The following BLNK variants were observed in gnomAD, a reference collection of about 807,000 sequenced individuals.
BLNK encodes B-cell linker protein.
A neutral mutation model predicts 73.5 loss-of-function variants in BLNK; 29 were observed. The observed-to-expected ratio is 0.39, with a 90% CI of 0.29 to 0.54. The LOEUF is 0.54. Ranked by LOEUF, BLNK falls within the 20% of genes least tolerant of loss-of-function variation. BLNK has a pLI of 0.61. For missense variants in BLNK, 460 were observed against 562.8 expected, an observed-to-expected ratio of 0.82 and a Z score of 1.85; for synonymous variants, 176 against 200.8, an observed-to-expected ratio of 0.88 and a Z score of 1.04.
At chr10:96,254,467 CTGACTGT>C (rs1177985822) in intron 1 of BLNK, among the ~76,000 whole-genome samples, 1 of 152,092 alleles carries the variant, frequency 6.6e-6, no homozygotes, top group Non-Finnish European at 1.5e-5. Context: ...ACCCGAGGAG[CTGACTGT>C]GTACAGCTCA....
intron 3 of BLNK, among the ~76,000 whole-genome samples, chr10:96,240,019 A>C (rs1196220088): frequency 6.6e-6 from 1 of 152,208 alleles, no homozygotes; most frequent in Non-Finnish European, 1.5e-5. Flanking sequence ...CGAATCCTCA[A>C]ATTAAATGTC....
chr10:96,246,956 T>C (rs1554907756), intron 2 of BLNK, 28 bp downstream of exon 2: 2 of 1,475,798 alleles, frequency 1.4e-6, no homozygotes, highest in Admixed American at 1.7e-5. Context: ...TTTTATATAA[T>C]TAAGTATTTA....
chr10:96,209,926 T>G lies in BLNK; in HGVS notation c.677-19A>C. ...TTTCGACCTGCACAAACATATACAC[T>G]ACTCAGTCCCCAAGTCCTGAGCCGG... On this transcript the variant is annotated intron_variant, in intron 8 of 16. Transcript: ENST00000224337. The G allele has an allele frequency of 6.2e-7, 1 of 1,614,026 alleles. No individual in the cohort carries two copies. Among genetic ancestry groups the G allele is most frequent in the South Asian group, 1.1e-5 (1 of 91,084 alleles).
At chr10:96,215,520 A>G (rs1035051007) in intron 7 of BLNK, 131 bp from the exon 8 acceptor site, 1 of 728,920 alleles carries the variant, frequency 1.4e-6, no homozygotes, top group Non-Finnish European at 2.3e-6. Context: ...AAAGAATGGG[A>G]GACACCCTTA....
At position 96,237,906 on chromosome 10, in the gene BLNK, A is replaced by G. The variant is rs587724894; in HGVS notation, c.163+4829T>C. Among the ~76,000 whole-genome samples the G allele has an allele frequency of 2.2e-4, 33 of 152,322 alleles. 1 individual carries two copies. In the South Asian group the frequency reaches 6.6e-3, roughly 31 times the overall value. On this transcript the variant is annotated intron_variant, in intron 3 of 16. Coordinates refer to ENST00000224337, the MANE Select transcript of BLNK (RefSeq NM_013314.4). ...CTGCAAAACCGAGATCGTAATTTCT[A>G]TATAACGGTGCTAATGAGAAGATTA...
intron 1 of BLNK, among the ~76,000 whole-genome samples, chr10:96,254,510 G>T (rs3789932): frequency 0.18 from 24,854 of 138,874 alleles, 3,516 homozygotes; most frequent in East Asian, 0.55. Context: ...TTTTTTTTTT[G>T]TTTTGTTTTG....
At chr10:96,245,941 A>G (rs1169482117) in intron 2 of BLNK, among the ~76,000 whole-genome samples, 2 of 152,202 alleles carry the variant, frequency 1.3e-5, no homozygotes, top group African/African-American at 4.8e-5. Flanking sequence ...TTGACATCAT[A>G]CAATTCTGGC....
chr10:96,270,801 C>G (rs994500779), intron 1 of BLNK, among the ~76,000 whole-genome samples: 2 of 152,024 alleles, frequency 1.3e-5, no homozygotes, highest in African/African-American at 4.8e-5. Context: ...CTGGTTTATT[C>G]TTTTTGAGAG....
In BLNK at chr10:96,266,169, A is replaced by G. The variant is rs190422090; in HGVS notation, c.47+5183T>C. 6.6e-5 allele frequency among the ~76,000 whole-genome samples: 10 copies of G among 152,338 alleles called. No individual in the cohort carries two copies. The East Asian group carries it at 1.7e-3, about 26-fold the overall frequency. ...AGCTGATAAATTCTCCCAAGAACAG[A>G]TGGGGTTAAATCACCTGTAGGGAGA... On this transcript the variant is annotated intron_variant, in intron 1 of 16. Coordinates refer to ENST00000224337, the MANE Select transcript of BLNK (RefSeq NM_013314.4).
intron 8 of BLNK, among the ~76,000 whole-genome samples, chr10:96,211,069 G>C (rs2133986554): frequency 6.6e-6 from 1 of 151,876 alleles, no homozygotes; most frequent in Middle Eastern, 3.4e-3. Flanking sequence ...TTGCCATGTT[G>C]CCCAGGCTGG....
chr10:96,214,753 G>A (rs1418291149), intron 8 of BLNK, among the ~76,000 whole-genome samples: 1 of 152,148 alleles, frequency 6.6e-6, no homozygotes, highest in Non-Finnish European at 1.5e-5. Context: ...ATCGATGAAC[G>A]CTACAGAAGT....
At chr10:96,192,637 G>C (rs782702018) in intron 16 of BLNK, among the ~76,000 whole-genome samples, 3 of 151,984 alleles carry the variant, frequency 2.0e-5, no homozygotes, top group Admixed American at 6.6e-5. Context: ...AGTTAACTTA[G>C]TGCCTAATTA....
At chr10:96,247,782 C>A (rs1843111539) in intron 1 of BLNK, among the ~76,000 whole-genome samples, 1 of 152,150 alleles carries the variant, frequency 6.6e-6, no homozygotes, top group African/African-American at 2.4e-5. Context: ...TGTACCTTAA[C>A]TTCAGCGTCT....
intron 8 of BLNK, 39 bp from the exon 9 acceptor site, chr10:96,209,946 AGCCGGGGGCTGAT>A: frequency 2.5e-6 from 4 of 1,609,758 alleles, no homozygotes; most frequent in Non-Finnish European, 3.4e-6. Context: ...CCAAGTCCTG[AGCCGGGGGCTGAT>A]GCTCACACTG....
chr10:96,244,836 T>C (rs1314543647), intron 2 of BLNK, among the ~76,000 whole-genome samples: 1 of 152,088 alleles, frequency 6.6e-6, no homozygotes, highest in Non-Finnish European at 1.5e-5. Context: ...GGCTATGGAA[T>C]AGAGAGACAT....
rs1367899690 is a variant in BLNK at position 96,190,872 on chromosome 10, T to C, written c.*1101A>G. Among the ~76,000 whole-genome samples the C allele has an allele frequency of 6.6e-6, 1 of 152,242 alleles. No individual in the cohort carries two copies. The highest frequency in any genetic ancestry group is 2.4e-5 in the African/African-American group (1 of 41,468). On this transcript the variant is annotated 3_prime_UTR_variant, in exon 17 of 17. Coordinates refer to ENST00000224337, the MANE Select transcript of BLNK (RefSeq NM_013314.4). ...TTCACCAATGTCTGCTTTTCTGCTC[T>C]TGTTTTGTGGGATATTTCTCTAGGA...
intron 1 of BLNK, among the ~76,000 whole-genome samples, chr10:96,259,344 T>G (rs1843645342): frequency 1.3e-5 from 2 of 151,236 alleles, no homozygotes; most frequent in African/African-American, 2.4e-5. Flanking sequence ...AGAGGGAGAG[T>G]AAAAAGAGGA....
rs183937803 is a variant in BLNK, at chr10:96,197,871, G to A, written c.1096-808C>T. Among the ~76,000 whole-genome samples, 476 of 149,464 alleles carry A rather than the reference G, an allele frequency of 3.2e-3. 2 individuals are homozygous for A. The highest frequency in any genetic ancestry group is 5.9e-3 in the Admixed American group (88 of 14,944). On this transcript the variant is annotated intron_variant, in intron 15 of 16. Coordinates refer to ENST00000224337, the MANE Select transcript of BLNK (RefSeq NM_013314.4). ...ACGGAGTTTGCAGTGAGCCAAGATCGTGCCACTGCACTCCAGCCTGGGTGA... is the reference window on the plus strand; with the variant it reads ...ACGGAGTTTGCAGTGAGCCAAGATCATGCCACTGCACTCCAGCCTGGGTGA...
chr10:96,239,045 C>A, intron 3 of BLNK: 2 of 398,336 alleles, frequency 5.0e-6, no homozygotes, highest in South Asian at 2.6e-4. Flanking sequence ...TGCTGGGAAT[C>A]AAACTTTGTG....
Sources: gnomAD v4.1 joint callset for allele counts (sites outside exome capture counted in the v4.1 genomes callset) on GRCh38, gnomAD v4.1.1 for gene constraint, MANE v1.5 for transcripts, NCBI Gene and HGNC (gene_info 2026-07-23, HGNC 2026-07-21) for gene names.